The following CSAG1 variants were observed in gnomAD, a reference collection of about 807,000 sequenced individuals.
The protein encoded by CSAG1 is chondrosarcoma associated gene 1.
Under a neutral mutation model 4.8 loss-of-function variants are expected in CSAG1, and 4 were observed. The ratio of observed to expected loss-of-function variants is 0.83; its 90% confidence interval spans 0.41 to 1.90. The LOEUF (loss-of-function observed/expected upper bound fraction) is 1.90. Ranked by LOEUF, CSAG1 falls within the 40% of genes most tolerant of loss-of-function variation. CSAG1 has a pLI of 0.03. For synonymous variants in CSAG1, 21 were observed against 23.1 expected, an observed-to-expected ratio of 0.91 and a Z score of 0.26; for missense variants, 69 against 59.5, an observed-to-expected ratio of 1.16 and a Z score of -0.53.
At chrX:152,731,381 A>C (rs782215491) in intron 2 of CSAG1, among the ~76,000 whole-genome samples, 59 of 112,597 alleles carry the variant, frequency 5.2e-4, no homozygotes, top group African/African-American at 1.8e-3. Flanking sequence ...AACTTTAATT[A>C]AACTATACAA....
chrX:152,731,029 T>C (rs1932145286), intron 2 of CSAG1, among the ~76,000 whole-genome samples: 2 of 112,718 alleles, frequency 1.8e-5, no homozygotes, highest in Non-Finnish European at 3.7e-5. Flanking sequence ...TGGGTTTTTG[T>C]TTAATAAAAA....
At chrX:152,733,139 G>A (rs1227869885) in intron 1 of CSAG1, 6 of 112,306 alleles carry the variant, frequency 5.3e-5, no homozygotes, top group African/African-American at 1.6e-4. Flanking sequence ...GTGGGAAAGT[G>A]TCTGTCTTCT....
intron 2 of CSAG1, among the ~76,000 whole-genome samples, chrX:152,731,474 GATCAGGGAAA>G (rs1932153870): frequency 8.9e-6 from 1 of 111,966 alleles, no homozygotes; most frequent in African/African-American, 3.3e-5. Flanking sequence ...TCTACCAAAT[GATCAGGGAAA>G]ACTAACCACC....
intron 2 of CSAG1, among the ~76,000 whole-genome samples, chrX:152,730,976 C>T (rs1932143888): frequency 8.9e-6 from 1 of 112,561 alleles, no homozygotes; most frequent in African/African-American, 3.2e-5. Flanking sequence ...AATAGTTGAA[C>T]ATTTGATAAT....
intron 2 of CSAG1, among the ~76,000 whole-genome samples, chrX:152,730,610 T>C (rs868933395): frequency 3.6e-5 from 4 of 111,987 alleles, no homozygotes; most frequent in African/African-American, 9.7e-5. Context: ...TCTTGGACTT[T>C]CCAACCTCCA....
intron 2 of CSAG1, 120 bp downstream of exon 2, chrX:152,732,325 G>A: frequency 3.2e-6 from 3 of 950,646 alleles, no homozygotes; most frequent in Non-Finnish European, 4.2e-6. Context: ...GAAGTATACT[G>A]ACATATTCAG....
At chrX:152,730,692 C>G (rs1328756321) in intron 2 of CSAG1, among the ~76,000 whole-genome samples, 31 of 112,304 alleles carry the variant, frequency 2.8e-4, no homozygotes, top group Admixed American at 1.9e-4. Context: ...GAAGCCCAAA[C>G]GGACTAAGAC....
chrX:152,732,403 A>G, intron 2 of CSAG1, 42 bp downstream of exon 2: 1 of 1,192,778 alleles, frequency 8.4e-7, no homozygotes, highest in African/African-American at 1.8e-5. Context: ...ACAGTGTAAA[A>G]ATGTAAACTC....
chrX:152,732,603 T>G, intron 1 of CSAG1, 99 bp from the exon 2 acceptor site: 3 of 999,294 alleles, frequency 3.0e-6, no homozygotes, highest in Non-Finnish European at 4.2e-6. Context: ...ACTGAAGACC[T>G]TGTTGAGCTG....
At chrX:152,729,187 G>A (rs1239118289) in intron 2 of CSAG1, among the ~76,000 whole-genome samples, 4 of 110,923 alleles carry the variant, frequency 3.6e-5, no homozygotes, top group Non-Finnish European at 7.6e-5. Flanking sequence ...ATAATAACCT[G>A]GACATATCCT....
At chrX:152,729,752 T>A (rs1334318645) in intron 2 of CSAG1, among the ~76,000 whole-genome samples, 2 of 109,936 alleles carry the variant, frequency 1.8e-5, no homozygotes, top group African/African-American at 6.6e-5. Flanking sequence ...CAACAGAAAC[T>A]CTCATTCATA....
At chrX:152,728,815 A>C (rs1421388186) in intron 2 of CSAG1, among the ~76,000 whole-genome samples, 5 of 111,093 alleles carry the variant, frequency 4.5e-5, no homozygotes, top group East Asian at 2.8e-4. Flanking sequence ...AGAGCGCGCG[A>C]GAGAGACAGC....
chrX:152,728,376 G>A (rs1932070438), intron 2 of CSAG1, 152 bp from the exon 3 acceptor site: 3 of 565,850 alleles, frequency 5.3e-6, no homozygotes, highest in South Asian at 2.7e-5. Flanking sequence ...GATTGTAAAT[G>A]TTGATCACAT....
At chrX:152,730,773 G>A (rs1439189843) in intron 2 of CSAG1, among the ~76,000 whole-genome samples, 8 of 112,228 alleles carry the variant, frequency 7.1e-5, no homozygotes, top group African/African-American at 2.3e-4. Context: ...TGTATGTAAC[G>A]TCTAAAAGTA....
At chrX:152,728,352 A>T (rs1346941916) in intron 2 of CSAG1, 128 bp from the exon 3 acceptor site, 1 of 653,742 alleles carries the variant, frequency 1.5e-6, no homozygotes. Context: ...AAATTGCTTT[A>T]CTTAAAGTCA....
At position 152,728,073 on chromosome X, in the gene CSAG1, C is replaced by T. The variant is rs1932058604; in HGVS notation, c.167+1G>A. On this transcript the variant is annotated splice_donor_variant, in intron 3 of 3. Coordinates refer to ENST00000452779, the MANE Select transcript of CSAG1 (RefSeq NM_001102576.3). LOFTEE classifies it high-confidence loss of function. ...TGAGAGGATGCTTTCCCCTTCCTCGCCTCTTTGGTGTTGATGGGTGGTTGT... is the reference window on the plus strand; with the variant it reads ...TGAGAGGATGCTTTCCCCTTCCTCGTCTCTTTGGTGTTGATGGGTGGTTGT... The T allele has an allele frequency of 8.3e-7, 1 of 1,208,793 alleles. No homozygotes were observed. The highest frequency in any genetic ancestry group is 1.8e-5 in the African/African-American group (1 of 56,718).
chrX:152,729,320 T>C (rs1388075556), intron 2 of CSAG1, among the ~76,000 whole-genome samples: 1 of 112,369 alleles, frequency 8.9e-6, no homozygotes, highest in East Asian at 2.8e-4. Context: ...GAGATGAGTT[T>C]TTAAATTCAA....
chrX:152,732,790 C>T (rs1309088696), intron 1 of CSAG1, among the ~76,000 whole-genome samples: 2 of 112,053 alleles, frequency 1.8e-5, no homozygotes, highest in African/African-American at 6.5e-5. Flanking sequence ...ATGCCAAGAG[C>T]CCTAGGTAAT....
At chrX:152,727,990 G>A in intron 3 of CSAG1, 84 bp downstream of exon 3, 1 of 1,209,517 alleles carries the variant, frequency 8.3e-7, no homozygotes. Flanking sequence ...GGGGAGGACA[G>A]GGTAGGAGTC....
Sources: allele counts gnomAD v4.1 joint callset (sites outside exome capture counted in the v4.1 genomes callset), GRCh38; gene constraint gnomAD v4.1.1; transcripts MANE v1.5; gene names NCBI Gene and HGNC (gene_info 2026-07-23, HGNC 2026-07-21).